Variants in ADCY2 observed in about 807,000 individuals in gnomAD.
The protein encoded by ADCY2 is adenylate cyclase type 2.
A neutral mutation model predicts 125.2 loss-of-function variants in ADCY2; 31 were observed. The ratio of observed to expected loss-of-function variants is 0.25; its 90% confidence interval spans 0.19 to 0.33. ADCY2 has a LOEUF of 0.33. Ranked by LOEUF, ADCY2 falls within the 10% of genes least tolerant of loss-of-function variation. The pLI is 1.00. For synonymous variants in ADCY2, 512 were observed against 548.4 expected, an observed-to-expected ratio of 0.93 and a Z score of 0.93; for missense variants, 904 against 1,418.2, an observed-to-expected ratio of 0.64 and a Z score of 5.82.
intron 4 of ADCY2, among the ~76,000 whole-genome samples, chr5:7,672,378 C>G (rs962271220): frequency 3.9e-5 from 6 of 152,136 alleles, no homozygotes; most frequent in African/African-American, 1.4e-4. Context: ...AACTTTGAAA[C>G]TTTTCAAGGG....
Position 7,688,100 on chromosome 5 carries a change from T to C in ADCY2, c.721-2591T>C, listed in dbSNP as rs1388283375. Among the ~76,000 whole-genome samples, 13 of 152,328 alleles carry C rather than the reference T, an allele frequency of 8.5e-5. No homozygotes were observed. In the East Asian group the frequency reaches 2.5e-3, roughly 29 times the overall value. ...CCCGTAATTATTTATAGTCTACCTGTTAATATTCCTTATCACTGCTTTAGA... is the reference window on the plus strand; with the variant it reads ...CCCGTAATTATTTATAGTCTACCTGCTAATATTCCTTATCACTGCTTTAGA... On this transcript the variant is annotated intron_variant, in intron 4 of 24. Transcript: ENST00000338316.
intron 4 of ADCY2, among the ~76,000 whole-genome samples, chr5:7,689,637 A>G (rs1222009451): frequency 1.3e-5 from 2 of 152,086 alleles, no homozygotes; most frequent in African/African-American, 4.8e-5. Context: ...GGAGTAGACA[A>G]AGAGATAGAC....
intron 3 of ADCY2, among the ~76,000 whole-genome samples, chr5:7,525,536 G>C (rs1000804844): frequency 6.6e-6 from 1 of 152,090 alleles, no homozygotes; most frequent in Non-Finnish European, 1.5e-5. Context: ...CGGGAGCCCT[G>C]ACTTTTTTTC....
At chr5:7,402,844 G>A (rs1739315383) in intron 1 of ADCY2, among the ~76,000 whole-genome samples, 1 of 152,134 alleles carries the variant, frequency 6.6e-6, no homozygotes, top group Non-Finnish European at 1.5e-5. Context: ...TTCTCAAGGT[G>A]GTCATTATTT....
intron 2 of ADCY2, among the ~76,000 whole-genome samples, chr5:7,478,424 TG>T (rs1742599221): frequency 6.6e-6 from 1 of 152,264 alleles, no homozygotes; most frequent in South Asian, 2.1e-4. Context: ...CACATTTTTG[TG>T]TATACATAAG....
intron 1 of ADCY2, among the ~76,000 whole-genome samples, chr5:7,407,218 C>A (rs1467463969): frequency 6.6e-6 from 1 of 152,190 alleles, no homozygotes; most frequent in Non-Finnish European, 1.5e-5. Flanking sequence ...ATTATCTCCA[C>A]AGTTACTCAG....
intron 4 of ADCY2, among the ~76,000 whole-genome samples, chr5:7,687,576 A>C (rs1740558138): frequency 6.6e-6 from 1 of 152,196 alleles, no homozygotes; most frequent in African/African-American, 2.4e-5. Flanking sequence ...AGCAGGGCTC[A>C]ATCTTGCCTG....
intron 22 of ADCY2, among the ~76,000 whole-genome samples, chr5:7,809,034 T>A (rs144215834): frequency 7.2e-4 from 109 of 152,344 alleles, no homozygotes; most frequent in African/African-American, 2.5e-3. Context: ...GATCACGCCC[T>A]TTGCATGAGG....
Position 7,829,133 on chromosome 5 carries a change from G to A in ADCY2, c.*2262G>A, listed in dbSNP as rs897842313. 3 of 152,260 alleles carry A rather than the reference G, an allele frequency of 2.0e-5. No individual in the cohort carries two copies. The highest frequency in any genetic ancestry group is 7.2e-5 in the African/African-American group (3 of 41,450). 9.4% of individuals were successfully genotyped at this position (152,260 alleles called of 1,614,324 possible). ...GTGTGGTCCCATAGGAGCAGCCTTA[G>A]CATCCCCTGTGAACTTATCAAAAAT... is the stretch of plus-strand genomic sequence containing the variant. On this transcript the variant is annotated 3_prime_UTR_variant, in exon 25 of 25. Coordinates refer to ENST00000338316, the MANE Select transcript of ADCY2 (RefSeq NM_020546.3).
At chr5:7,453,602 G>C (rs941619398) in intron 2 of ADCY2, among the ~76,000 whole-genome samples, 1 of 152,186 alleles carries the variant, frequency 6.6e-6, no homozygotes, top group African/African-American at 2.4e-5. Flanking sequence ...AAGCTTTAGA[G>C]TAGGAAGGAA....
At position 7,510,465 on chromosome 5, in the gene ADCY2, G is replaced by T. The variant is rs191609370; in HGVS notation, c.409-10273G>T. The stretch of plus-strand genomic sequence containing the variant: ...ACAGGCACAGCACCTGGGAAGCAGG[G>T]TTACCATAGAGGCTGATTCAGTCAA... On this transcript the variant is annotated intron_variant, in intron 2 of 24. Coordinates refer to ENST00000338316, the MANE Select transcript of ADCY2 (RefSeq NM_020546.3). Among the ~76,000 whole-genome samples, 329 of 152,280 alleles carry T rather than the reference G, an allele frequency of 2.2e-3. 2 individuals are homozygous for T. Among genetic ancestry groups the T allele is most frequent in the African/African-American group, 7.3e-3 (305 of 41,548 alleles).
At position 7,770,394 on chromosome 5, in the gene ADCY2, C is replaced by T. The variant is rs16879037; in HGVS notation, c.2215-2538C>T. Among the ~76,000 whole-genome samples the T allele has an allele frequency of 6.7e-3, 1,014 of 152,282 alleles. 11 individuals carry two copies. Among genetic ancestry groups the T allele is most frequent in the African/African-American group, 0.023 (942 of 41,550 alleles). ...TAAGTGGTTCCTTATTCTGCTCTCT[C>T]ATTCGATTAGGCTGAACTGGTTGAT... On this transcript the variant is annotated intron_variant, in intron 17 of 24. Coordinates refer to ENST00000338316, the MANE Select transcript of ADCY2 (RefSeq NM_020546.3).
chr5:7,579,366 A>C (rs1345594281), intron 3 of ADCY2, among the ~76,000 whole-genome samples: 1 of 152,236 alleles, frequency 6.6e-6, no homozygotes, highest in African/African-American at 2.4e-5. Context: ...CTACTGGAAG[A>C]AAGAGTTCAA....
At chr5:7,767,443 C>G (rs961500067) in intron 17 of ADCY2, among the ~76,000 whole-genome samples, 6 of 152,096 alleles carry the variant, frequency 3.9e-5, no homozygotes, top group Non-Finnish European at 5.9e-5. Context: ...CTCTCCTTTG[C>G]ACTTTCCAAA....
chr5:7,692,067 A>T (rs1364608034), intron 5 of ADCY2: 1 of 152,246 alleles, frequency 6.6e-6, no homozygotes, highest in Admixed American at 6.5e-5. Context: ...GGGGATTACA[A>T]TTCGACATGA....
intron 2 of ADCY2, among the ~76,000 whole-genome samples, chr5:7,444,589 C>T (rs2126406767): frequency 6.6e-6 from 1 of 152,176 alleles, no homozygotes; most frequent in Middle Eastern, 3.4e-3. Flanking sequence ...CAATCTTTTA[C>T]TCTTAGCAAT....
intron 3 of ADCY2, among the ~76,000 whole-genome samples, chr5:7,622,295 A>G (rs926220400): frequency 1.5e-4 from 23 of 152,210 alleles, no homozygotes; most frequent in African/African-American, 4.1e-4. Flanking sequence ...TAGGACATCA[A>G]TTGTATTTGT....
At chr5:7,426,714 G>T (rs1740400792) in intron 2 of ADCY2, among the ~76,000 whole-genome samples, 1 of 152,110 alleles carries the variant, frequency 6.6e-6, no homozygotes, top group African/African-American at 2.4e-5. Flanking sequence ...GCAGATGTTG[G>T]TATTTCTCTC....
Position 7,807,507 on chromosome 5 carries a change from C to T in ADCY2, c.2883+2815C>T, listed in dbSNP as rs374524556. 4.6e-5 allele frequency among the ~76,000 whole-genome samples: 7 copies of T among 152,310 alleles called. No homozygotes were observed. In the East Asian group the frequency reaches 1.2e-3, roughly 25 times the overall value. Reference sequence around the variant, plus strand: ...CCGTTGCCTTTGCCTGGTAATCCTCCCTTGGCTTTTGAGCCCTTCCATTGT... The same window carrying T: ...CCGTTGCCTTTGCCTGGTAATCCTCTCTTGGCTTTTGAGCCCTTCCATTGT... On this transcript the variant is annotated intron_variant, in intron 22 of 24. Transcript: ENST00000338316.
Sources: gnomAD v4.1 joint callset for allele counts (sites outside exome capture counted in the v4.1 genomes callset) on GRCh38, gnomAD v4.1.1 for gene constraint, MANE v1.5 for transcripts, NCBI Gene and HGNC (gene_info 2026-07-23, HGNC 2026-07-21) for gene names.